PTCHD4: variants seen among roughly 807,000 people sequenced by gnomAD.
PTCHD4 encodes patched domain-containing protein 4.
A neutral mutation model predicts 58.1 loss-of-function variants in PTCHD4; 33 were observed. That is an observed-to-expected ratio of 0.57 (90% CI 0.43 to 0.76). The LOEUF is 0.76. PTCHD4 is among the 30% of genes least tolerant of loss of function. The pLI is 0.00. For missense variants in PTCHD4, 1,058 were observed against 1,027.1 expected, an observed-to-expected ratio of 1.03 and a Z score of -0.41; for synonymous variants, 478 against 409.6, an observed-to-expected ratio of 1.17 and a Z score of -2.02.
intron 4 of PTCHD4, among the ~76,000 whole-genome samples, chr6:48,007,819 A>G (rs1036125770): frequency 6.6e-6 from 1 of 152,202 alleles, no homozygotes; most frequent in Non-Finnish European, 1.5e-5. Context: ...TTGCTGAACC[A>G]ACAGCTATCA....
In PTCHD4 at chr6:47,866,261, C is replaced by A. The variant is rs920687035; in HGVS notation, c.*12042G>T. 6.6e-6 allele frequency among the ~76,000 whole-genome samples: 1 copy of A among 151,870 alleles called. No individual in the cohort carries two copies. Among genetic ancestry groups the A allele is most frequent in the African/African-American group, 2.4e-5 (1 of 41,388 alleles). ...TGTGTTGACTTGGTTGTCTAAGCCACTGTTTTTCAAATTGAGCCACACATT... is the reference window on the plus strand; with the variant it reads ...TGTGTTGACTTGGTTGTCTAAGCCAATGTTTTTCAAATTGAGCCACACATT... On this transcript the variant is annotated 3_prime_UTR_variant, in exon 5 of 5. Transcript: ENST00000339488.
intron 3 of PTCHD4, among the ~76,000 whole-genome samples, chr6:48,054,893 G>A (rs1764354540): frequency 6.6e-6 from 1 of 152,064 alleles, no homozygotes; most frequent in Non-Finnish European, 1.5e-5. Context: ...ATATAAACTA[G>A]CTACAATTTA....
intron 4 of PTCHD4, among the ~76,000 whole-genome samples, chr6:47,995,278 A>C (rs752220357): frequency 8.5e-5 from 13 of 152,192 alleles, no homozygotes; most frequent in Non-Finnish European, 1.8e-4. Flanking sequence ...CAAGGTGAGC[A>C]TCTGTTTTAC....
chr6:48,016,498 A>G (rs909088540), intron 3 of PTCHD4, among the ~76,000 whole-genome samples: 2 of 152,048 alleles, frequency 1.3e-5, no homozygotes, highest in African/African-American at 2.4e-5. Flanking sequence ...GCAGCATAAG[A>G]AAATGTCAGC....
chr6:47,956,394 A>G (rs1463372305), intron 4 of PTCHD4, among the ~76,000 whole-genome samples: 1 of 152,124 alleles, frequency 6.6e-6, no homozygotes, highest in Non-Finnish European at 1.5e-5. Context: ...CTAGACAATG[A>G]CAGGGCAAGT....
In PTCHD4 at chr6:47,861,238, A is replaced by G. The variant is rs1191508240; in HGVS notation, c.*17065T>C. Among the ~76,000 whole-genome samples, 1 of 151,968 alleles carries G rather than the reference A, an allele frequency of 6.6e-6. No homozygotes were observed. Among genetic ancestry groups the G allele is most frequent in the Non-Finnish European group, 1.5e-5 (1 of 67,920 alleles). The stretch of plus-strand genomic sequence containing the variant: ...TATGTCTTAGTCATTGCTGTGCTAA[A>G]TAGAAGAGGTGGCAACAGGGTAGAA... On this transcript the variant is annotated 3_prime_UTR_variant, in exon 5 of 5. Transcript: ENST00000339488.
At chr6:48,081,109 C>T (rs1765158926) in intron 1 of PTCHD4, among the ~76,000 whole-genome samples, 1 of 152,086 alleles carries the variant, frequency 6.6e-6, no homozygotes, top group Admixed American at 6.6e-5. Flanking sequence ...ACTGAATAAC[C>T]AAAATGTACA....
intron 4 of PTCHD4, among the ~76,000 whole-genome samples, chr6:47,993,486 A>G (rs1768356187): frequency 6.6e-6 from 1 of 152,168 alleles, no homozygotes; most frequent in Non-Finnish European, 1.5e-5. Flanking sequence ...TGGCCTCTGA[A>G]AGGAGATGCA....
At position 47,863,812 on chromosome 6, in the gene PTCHD4, G is replaced by A. The variant is rs1182614451; in HGVS notation, c.*14491C>T. Among the ~76,000 whole-genome samples the A allele has an allele frequency of 6.6e-6, 1 of 151,946 alleles. No homozygotes were observed. Among genetic ancestry groups the A allele is most frequent in the African/African-American group, 2.4e-5 (1 of 41,398 alleles). On this transcript the variant is annotated 3_prime_UTR_variant, in exon 5 of 5. Coordinates refer to ENST00000339488, the MANE Select transcript of PTCHD4 (RefSeq NM_001384253.1). The stretch of plus-strand genomic sequence containing the variant: ...TTTCTTCATGAAAAGACTGTCCAGA[G>A]CAACTTATTACAAATAGAGATTACT...
Position 48,022,332 on chromosome 6 carries a change from A to G in PTCHD4, c.418-13218T>C, listed in dbSNP as rs1317926513. Among the ~76,000 whole-genome samples the G allele has an allele frequency of 2.6e-5, 4 of 151,954 alleles. No individual in the cohort carries two copies. In the South Asian group the frequency reaches 8.3e-4, roughly 32 times the overall value. On this transcript the variant is annotated intron_variant, in intron 3 of 4. Coordinates refer to ENST00000339488, the MANE Select transcript of PTCHD4 (RefSeq NM_001384253.1). ...ATAATTATTGAATTATGTCAGTAAA[A>G]TACTAGATAAAGAATACAACACTTG...
intron 4 of PTCHD4, among the ~76,000 whole-genome samples, chr6:47,982,481 CT>C (rs375869071): frequency 0.024 from 3,121 of 130,730 alleles, 20 homozygotes; most frequent in South Asian, 0.052. Context: ...TTATCTCTCT[CT>C]TTTTTTTTTT....
At chr6:48,019,992 A>G (rs1386762157) in intron 3 of PTCHD4, among the ~76,000 whole-genome samples, 9 of 123,680 alleles carry the variant, frequency 7.3e-5, no homozygotes, top group African/African-American at 2.8e-4. Flanking sequence ...CCCTTTGTGT[A>G]AGTAAGCATG....
At chr6:48,098,583 C>G (rs113083524) in intron 1 of PTCHD4, among the ~76,000 whole-genome samples, 21,981 of 152,090 alleles carry the variant, frequency 0.14, 1,587 homozygotes, top group Admixed American at 0.18. Flanking sequence ...AACTGATCCA[C>G]TCACCTGAGC....
intron 3 of PTCHD4, among the ~76,000 whole-genome samples, chr6:48,009,393 C>T (rs1167540724): frequency 6.6e-6 from 1 of 152,206 alleles, no homozygotes; most frequent in Non-Finnish European, 1.5e-5. Context: ...TTTGTTCTCA[C>T]TCATATCCCG....
intron 4 of PTCHD4, among the ~76,000 whole-genome samples, chr6:47,934,181 G>A (rs1765922534): frequency 6.6e-6 from 1 of 152,174 alleles, no homozygotes; most frequent in Non-Finnish European, 1.5e-5. Context: ...GTTTGCGGCA[G>A]GGAGGAGCCG....
At position 47,878,196 on chromosome 6, in the gene PTCHD4, T is replaced by C. The variant is rs1763898343; in HGVS notation, c.*107A>G. 3 of 956,100 alleles carry C rather than the reference T, an allele frequency of 3.1e-6. No homozygotes were observed. Among genetic ancestry groups the C allele is most frequent in the African/African-American group, 1.6e-5 (1 of 60,762 alleles). The allele number at this position is 956,100 out of a possible 1,614,324, so 59.2% of individuals were successfully genotyped here. ...ATGAATAATGCACTCTTGATCTGAC[T>C]TGCCTTGTTACCCCTGGCCAGCCCA... On this transcript the variant is annotated 3_prime_UTR_variant, in exon 5 of 5. Coordinates refer to ENST00000339488, the MANE Select transcript of PTCHD4 (RefSeq NM_001384253.1).
intron 4 of PTCHD4, among the ~76,000 whole-genome samples, chr6:47,972,439 C>T (rs899924124): frequency 6.6e-6 from 1 of 151,928 alleles, no homozygotes; most frequent in Admixed American, 6.6e-5. Context: ...ATAGGGTGGC[C>T]AGAAAAAGGG....
rs182569462 is a variant in PTCHD4, at chr6:47,939,938, T to C, written c.899-60002A>G. 3.5e-3 allele frequency among the ~76,000 whole-genome samples: 537 copies of C among 152,174 alleles called. 1 individual carries two copies. Among genetic ancestry groups the C allele is most frequent in the Middle Eastern group, 0.01 (3 of 294 alleles). On this transcript the variant is annotated intron_variant, in intron 4 of 4. Coordinates refer to ENST00000339488, the MANE Select transcript of PTCHD4 (RefSeq NM_001384253.1). Reference sequence around the variant, plus strand: ...ATGCTGAACTCCATACTTTCCATAATATTACTTGAAATTTTAAGATCTGAC... The same window carrying C: ...ATGCTGAACTCCATACTTTCCATAACATTACTTGAAATTTTAAGATCTGAC...
intron 4 of PTCHD4, among the ~76,000 whole-genome samples, chr6:47,923,091 A>C (rs971834878): frequency 6.6e-6 from 1 of 152,212 alleles, no homozygotes; most frequent in Admixed American, 6.5e-5. Context: ...AGAAAGTGAT[A>C]TCAGAGAAAT....
Sources: allele counts gnomAD v4.1 joint callset (sites outside exome capture counted in the v4.1 genomes callset), GRCh38; gene constraint gnomAD v4.1.1; transcripts MANE v1.5; gene names NCBI Gene and HGNC (gene_info 2026-07-23, HGNC 2026-07-21).